PTPRT: variants seen among roughly 807,000 people sequenced by gnomAD.
PTPRT encodes receptor-type tyrosine-protein phosphatase T.
A neutral mutation model predicts 176.8 loss-of-function variants in PTPRT; 56 were observed. The observed-to-expected ratio is 0.32, with a 90% CI of 0.26 to 0.40. PTPRT has a LOEUF of 0.40. PTPRT is among the 10% of genes least tolerant of loss of function. The pLI, the probability that PTPRT is intolerant of heterozygous loss-of-function variation, is 1.00. For missense variants in PTPRT, 1,540 were observed against 1,908.2 expected (o/e 0.81, Z 3.60); for synonymous variants, 783 against 739.0 (o/e 1.06, Z -0.96).
At chr20:42,481,514 A>T (rs1011898096) in intron 7 of PTPRT, among the ~76,000 whole-genome samples, 1 of 152,198 alleles carries the variant, frequency 6.6e-6, no homozygotes, top group Admixed American at 6.5e-5. Flanking sequence ...TTTCAACCAC[A>T]GTAATCAATT....
At chr20:42,808,730 C>T (rs1301874972) in intron 2 of PTPRT, among the ~76,000 whole-genome samples, 2 of 152,144 alleles carry the variant, frequency 1.3e-5, no homozygotes, top group Non-Finnish European at 2.9e-5. Context: ...AGACCTTTAT[C>T]CACTACTGGG....
rs552407965 is a variant in PTPRT, at chr20:43,034,197, G to T, written c.89-148265C>A. Among the ~76,000 whole-genome samples, 3 of 152,332 alleles carry T rather than the reference G, an allele frequency of 2.0e-5. No homozygotes were observed. In the East Asian group the frequency reaches 5.8e-4, roughly 29 times the overall value. ...GTCCCAGATGGGGGTACACAAAAGT[G>T]ATTTCCTCAGGCAGCCAGGTCACAA... On this transcript the variant is annotated intron_variant, in intron 1 of 30. Coordinates refer to ENST00000373187, the MANE Select transcript of PTPRT (RefSeq NM_007050.6).
At chr20:42,065,354 C>T in the PTPRT span, among the ~76,000 whole-genome samples, 5 of 152,234 alleles carry the variant, frequency 3.3e-5, no homozygotes, top group Non-Finnish European at 5.9e-5. Context: ...ATGTAGACAT[C>T]CATGACTTTA....
intron 15 of PTPRT, among the ~76,000 whole-genome samples, chr20:42,214,883 C>T (rs2055732519): frequency 6.6e-6 from 1 of 152,236 alleles, no homozygotes; most frequent in Non-Finnish European, 1.5e-5. Context: ...AGACTGAAAT[C>T]CTGGCTCCAT....
intron 22 of PTPRT, among the ~76,000 whole-genome samples, 179 bp downstream of exon 22, chr20:42,115,020 A>C (rs1289728577): frequency 2.6e-5 from 4 of 151,996 alleles, no homozygotes; most frequent in African/African-American, 9.7e-5. Flanking sequence ...AGTTTGCCCC[A>C]CCTACTAGAT....
At chr20:42,120,578 A>T (rs1170283587) in intron 19 of PTPRT, among the ~76,000 whole-genome samples, 2 of 152,226 alleles carry the variant, frequency 1.3e-5, no homozygotes, top group Admixed American at 1.3e-4. Flanking sequence ...TACAAAGACC[A>T]GTTTCTAATT....
intron 1 of PTPRT, among the ~76,000 whole-genome samples, chr20:43,138,582 A>G (rs746907368): frequency 4.6e-5 from 7 of 152,232 alleles, no homozygotes; most frequent in Non-Finnish European, 8.8e-5. Flanking sequence ...TAAGTGAGTC[A>G]CTGCCACTGT....
At chr20:42,393,308 A>G (rs2058818523) in intron 9 of PTPRT, among the ~76,000 whole-genome samples, 4 of 152,224 alleles carry the variant, frequency 2.6e-5, no homozygotes, top group Non-Finnish European at 5.9e-5. Flanking sequence ...TCTTCATTGT[A>G]ACCCTTTTTA....
At chr20:42,955,236 G>A (rs774888302) in intron 1 of PTPRT, among the ~76,000 whole-genome samples, 2 of 152,246 alleles carry the variant, frequency 1.3e-5, no homozygotes, top group African/African-American at 4.8e-5. Context: ...ACAGCCCTGC[G>A]AGGCACAGAT....
chr20:42,563,424 A>G (rs2072986214), intron 7 of PTPRT, among the ~76,000 whole-genome samples: 1 of 152,200 alleles, frequency 6.6e-6, no homozygotes, highest in African/African-American at 2.4e-5. Flanking sequence ...TTATAAATCA[A>G]TACCTCTTTT....
chr20:42,106,720 C>T lies in PTPRT; in HGVS notation c.3390+66G>A, dbSNP rs1388733788. 6.4e-6 allele frequency: 10 copies of T among 1,569,966 alleles called. No individual in the cohort carries two copies. The African/African-American group carries it at 1.4e-4, about 21-fold the overall frequency. ...GCCCCTACCTATGTGTCTCTCCGTT[C>T]TATCATCATGTTTCTCCTTGGTCAG... On this transcript the variant is annotated intron_variant, in intron 24 of 30. Transcript: ENST00000373187.
At chr20:42,135,499 T>C (rs1988329039) in intron 18 of PTPRT, among the ~76,000 whole-genome samples, 1 of 152,180 alleles carries the variant, frequency 6.6e-6, no homozygotes, top group Non-Finnish European at 1.5e-5. Context: ...GCCCTCCAGG[T>C]GATTCTGATA....
intron 9 of PTPRT, among the ~76,000 whole-genome samples, chr20:42,412,065 A>G (rs1364021063): frequency 6.6e-6 from 1 of 152,232 alleles, no homozygotes; most frequent in Non-Finnish European, 1.5e-5. Context: ...ATTAGTTGAA[A>G]TTCATTGAAA....
chr20:42,380,172 C>T (rs2058685990), intron 9 of PTPRT, among the ~76,000 whole-genome samples: 1 of 152,216 alleles, frequency 6.6e-6, no homozygotes, highest in Admixed American at 6.5e-5. Context: ...CCTTGAACTT[C>T]AGTGTTGCCC....
chr20:42,361,065 C>A (rs1230363109), intron 9 of PTPRT, among the ~76,000 whole-genome samples: 1 of 152,204 alleles, frequency 6.6e-6, no homozygotes, highest in Non-Finnish European at 1.5e-5. Context: ...TTGGCCTTGG[C>A]TCCTCTGTGC....
At chr20:42,806,668 G>A (rs2077614460) in intron 2 of PTPRT, among the ~76,000 whole-genome samples, 1 of 152,098 alleles carries the variant, frequency 6.6e-6, no homozygotes, top group South Asian at 2.1e-4. Flanking sequence ...TACTGTTGGG[G>A]TGTGACAACT....
chr20:42,417,452 G>A (rs915198842), intron 9 of PTPRT, among the ~76,000 whole-genome samples: 1 of 151,906 alleles, frequency 6.6e-6, no homozygotes, highest in African/African-American at 2.4e-5. Flanking sequence ...ACAAAAAGAG[G>A]CTACCCCTAT....
intron 17 of PTPRT, among the ~76,000 whole-genome samples, chr20:42,147,161 C>A (rs1220161849): frequency 6.6e-6 from 1 of 152,180 alleles, no homozygotes; most frequent in Non-Finnish European, 1.5e-5. Flanking sequence ...TCTCCAGAAC[C>A]CGATGCTGGC....
chr20:42,299,052 A>C (rs182616328), intron 12 of PTPRT, among the ~76,000 whole-genome samples: 1 of 152,182 alleles, frequency 6.6e-6, no homozygotes, highest in South Asian at 2.1e-4. Flanking sequence ...AGAAGGGGAA[A>C]TATAACATAC....
Sources: gnomAD v4.1 joint callset for allele counts (sites outside exome capture counted in the v4.1 genomes callset) on GRCh38, gnomAD v4.1.1 for gene constraint, MANE v1.5 for transcripts, NCBI Gene and HGNC (gene_info 2026-07-23, HGNC 2026-07-21) for gene names.